HMGB1: variants seen among roughly 807,000 people sequenced by gnomAD.
HMGB1 encodes high mobility group protein B1.
For missense variants in HMGB1, 79 were observed against 253.5 expected (o/e 0.31, Z 4.67); for synonymous variants, 81 against 84.0 (o/e 0.96, Z 0.19).
chr13:30,612,045 C>T (rs1950517383), intron 1 of HMGB1, among the ~76,000 whole-genome samples: 1 of 151,946 alleles, frequency 6.6e-6, no homozygotes, highest in African/African-American at 2.4e-5. Flanking sequence ...AACAAATATG[C>T]ACTATGTACT....
rs150103487 is a variant in HMGB1, at chr13:30,542,362, G to A, written c.-15+74309C>T. ...TCAGATCTGCTCTGAGCTCCCCAGG[G>A]CGCCCCTCCTCACCGCCTCCCCTGC... On this transcript the variant is annotated intron_variant, in intron 1 of 4. Coordinates refer to the HMGB1 transcript ENST00000405805. 892 of 162,280 alleles carry A rather than the reference G, an allele frequency of 5.5e-3. 11 individuals carry two copies. The highest frequency in any genetic ancestry group is 0.021 in the African/African-American group (867 of 41,704). The allele number at this position is 162,280 out of a possible 1,614,324, so 10.1% of individuals were successfully genotyped here.
intron 1 of HMGB1, among the ~76,000 whole-genome samples, chr13:30,593,928 T>C (rs1436446291): frequency 2.6e-5 from 4 of 152,190 alleles, no homozygotes; most frequent in African/African-American, 9.7e-5. Flanking sequence ...AAATGGCATA[T>C]AGGACAGTAT....
intron 1 of HMGB1, among the ~76,000 whole-genome samples, chr13:30,487,563 A>G (rs1434846978): frequency 6.6e-6 from 1 of 152,256 alleles, no homozygotes; most frequent in Non-Finnish European, 1.5e-5. Flanking sequence ...AATATCCAAG[A>G]CATACAGTAT....
intron 1 of HMGB1, among the ~76,000 whole-genome samples, chr13:30,572,021 T>C (rs1033926833): frequency 2.0e-5 from 3 of 152,188 alleles, no homozygotes; most frequent in Non-Finnish European, 2.9e-5. Context: ...CAGATATTAC[T>C]TGGGAGCAAA....
At chr13:30,526,750 C>T (rs377728936) in intron 1 of HMGB1, among the ~76,000 whole-genome samples, 8 of 152,232 alleles carry the variant, frequency 5.3e-5, no homozygotes, top group African/African-American at 1.7e-4. Context: ...CCCAAGACAA[C>T]CAGAAAGGGG....
At chr13:30,510,424 A>G (rs150473387) in intron 1 of HMGB1, among the ~76,000 whole-genome samples, 1 of 152,350 alleles carries the variant, frequency 6.6e-6, no homozygotes, top group Non-Finnish European at 1.5e-5. Flanking sequence ...ATTAATACAC[A>G]TAAAAGTGTT....
intron 1 of HMGB1, among the ~76,000 whole-genome samples, chr13:30,465,540 C>G (rs1377823175): frequency 6.6e-6 from 1 of 151,156 alleles, no homozygotes; most frequent in Non-Finnish European, 1.5e-5. Flanking sequence ...GCGCGGACGC[C>G]GCCGGGGGTG....
At chr13:30,611,569 A>G (rs952143507) in intron 1 of HMGB1, among the ~76,000 whole-genome samples, 1 of 152,188 alleles carries the variant, frequency 6.6e-6, no homozygotes, top group African/African-American at 2.4e-5. Context: ...GTCTTCCTAT[A>G]ATTAAAATTA....
At chr13:30,490,102 GA>G (rs1887452529) in intron 1 of HMGB1, among the ~76,000 whole-genome samples, 1 of 150,052 alleles carries the variant, frequency 6.7e-6, no homozygotes, top group Non-Finnish European at 1.5e-5. Flanking sequence ...AAAGCCTCCA[GA>G]TCCTTTAGCT....
At chr13:30,531,635 C>A (rs1057483219) in intron 1 of HMGB1, among the ~76,000 whole-genome samples, 1 of 151,978 alleles carries the variant, frequency 6.6e-6, no homozygotes, top group South Asian at 2.1e-4. Flanking sequence ...TGCGGTGGCT[C>A]ACGCCTGTAA....
intron 1 of HMGB1, among the ~76,000 whole-genome samples, chr13:30,597,370 C>A (rs531700136): frequency 6.6e-6 from 1 of 152,316 alleles, no homozygotes; most frequent in East Asian, 1.9e-4. Context: ...AGTCATGGGA[C>A]AGGTTCTCAC....
At chr13:30,552,047 T>A (rs907727195) in intron 1 of HMGB1, among the ~76,000 whole-genome samples, 4 of 152,102 alleles carry the variant, frequency 2.6e-5, no homozygotes, top group Non-Finnish European at 5.9e-5. Context: ...GGTGTCCCTC[T>A]CACAAGCCCA....
rs372654406 is a variant in HMGB1 at position 30,463,199 on chromosome 13, A to G, written c.296+8T>C. ...TGTCTGGGAAGTAAAAACAGGCAAG[A>G]TACTCACGGAGGCCTCTTGGGTGCA... is the stretch of plus-strand genomic sequence containing the variant. On this transcript the variant is annotated splice_region_variant and intron_variant, in intron 3 of 4. Coordinates refer to ENST00000341423, the MANE Select transcript of HMGB1 (RefSeq NM_002128.7). 6.3e-7 allele frequency: 1 copy of G among 1,599,638 alleles called. No homozygotes were observed. The highest frequency in any genetic ancestry group is 1.4e-5 in the African/African-American group (1 of 73,978).
intron 1 of HMGB1, among the ~76,000 whole-genome samples, chr13:30,530,809 G>A (rs1274929929): frequency 1.3e-5 from 2 of 152,160 alleles, no homozygotes; most frequent in African/African-American, 4.8e-5. Flanking sequence ...CACTTTGGGA[G>A]GTGGAGGCAG....
At chr13:30,479,741 T>C (rs1003032847) in intron 1 of HMGB1, among the ~76,000 whole-genome samples, 3 of 152,186 alleles carry the variant, frequency 2.0e-5, no homozygotes, top group Non-Finnish European at 2.9e-5. Flanking sequence ...GCAAGAGTGT[T>C]GTGAGTTTCA....
intron 1 of HMGB1, among the ~76,000 whole-genome samples, chr13:30,490,175 T>C (rs1275480689): frequency 2.6e-5 from 4 of 152,118 alleles, no homozygotes; most frequent in Non-Finnish European, 4.4e-5. Flanking sequence ...AATAAATATG[T>C]TTAGTGTTGT....
intron 1 of HMGB1, among the ~76,000 whole-genome samples, chr13:30,502,386 A>G (rs186645567): frequency 9.5e-4 from 145 of 152,328 alleles, no homozygotes; most frequent in African/African-American, 3.3e-3. Context: ...AAAAAAAATC[A>G]AACTTGTTCT....
At chr13:30,553,801 A>G (rs946476285) in intron 1 of HMGB1, 1 of 1,385,754 alleles carries the variant, frequency 7.2e-7, no homozygotes, top group African/African-American at 1.4e-5. Context: ...GAAAACAGAA[A>G]TCGAAATAGA....
At chr13:30,569,594 A>C (rs1472471569) in intron 1 of HMGB1, among the ~76,000 whole-genome samples, 1 of 152,204 alleles carries the variant, frequency 6.6e-6, no homozygotes, top group East Asian at 1.9e-4. Context: ...GACAATGTTC[A>C]TAAGTGCGTC....
Sources: allele counts gnomAD v4.1 joint callset (sites outside exome capture counted in the v4.1 genomes callset), GRCh38; gene constraint gnomAD v4.1.1; transcripts MANE v1.5; gene names NCBI Gene and HGNC (gene_info 2026-07-23, HGNC 2026-07-21).